Variants in VWA5B1 observed in about 807,000 individuals in gnomAD.
The protein encoded by VWA5B1 is von Willebrand factor A domain containing 5B1.
A neutral mutation model predicts 118.2 loss-of-function variants in VWA5B1; 115 were observed. The observed-to-expected ratio is 0.97, with a 90% CI of 0.84 to 1.14. VWA5B1 has a LOEUF of 1.14. Ranked by LOEUF, VWA5B1 falls within the 50% of genes most tolerant of loss-of-function variation. VWA5B1 has a pLI of 0.00. For missense variants in VWA5B1, 1,596 were observed against 1,603.8 expected (o/e 1.00, Z 0.08); for synonymous variants, 682 against 658.4 (o/e 1.04, Z -0.55).
intron 8 of VWA5B1, among the ~76,000 whole-genome samples, chr1:20,324,169 C>T (rs1048691684): frequency 3.3e-5 from 5 of 152,198 alleles, no homozygotes; most frequent in African/African-American, 9.7e-5. Context: ...CCAAGCCTTG[C>T]CCTTGGCCAT....
At chr1:20,307,970 C>T (rs558347813) in intron 1 of VWA5B1, among the ~76,000 whole-genome samples, 161 of 151,874 alleles carry the variant, frequency 1.1e-3, no homozygotes, top group Non-Finnish European at 1.7e-3. Flanking sequence ...CCACTGATCC[C>T]GTCACCCAGG....
At chr1:20,320,661 C>T (rs2089182037) in intron 7 of VWA5B1, among the ~76,000 whole-genome samples, 1 of 152,340 alleles carries the variant, frequency 6.6e-6, no homozygotes, top group Non-Finnish European at 1.5e-5. Context: ...GGTGGTTATG[C>T]AAATAGCCCG....
chr1:20,322,868 G>A (rs1365892621), intron 7 of VWA5B1, among the ~76,000 whole-genome samples: 1 of 152,168 alleles, frequency 6.6e-6, no homozygotes, highest in East Asian at 1.9e-4. Context: ...AGAATTTGAA[G>A]AGTGAGTAGG....
chr1:20,301,125 A>G (rs1387728287), intron 1 of VWA5B1, among the ~76,000 whole-genome samples: 1 of 152,254 alleles, frequency 6.6e-6, no homozygotes, highest in African/African-American at 2.4e-5. Flanking sequence ...TTTAGCCAAC[A>G]TCTAGGCAGG....
intron 7 of VWA5B1, among the ~76,000 whole-genome samples, chr1:20,320,228 C>G (rs1405435470): frequency 6.6e-6 from 1 of 152,194 alleles, no homozygotes; most frequent in African/African-American, 2.4e-5. Flanking sequence ...CACCAGTAAG[C>G]TGGAGGAAGG....
chr1:20,317,496 C>CT (rs1334539840), intron 4 of VWA5B1, 34 bp from the exon 5 acceptor site: 4 of 1,547,784 alleles, frequency 2.6e-6, no homozygotes, highest in Non-Finnish European at 3.5e-6. Flanking sequence ...TCCACCCTGG[C>CT]TGGTCTCCTT....
chr1:20,341,224 G>A (rs560166424), intron 14 of VWA5B1, among the ~76,000 whole-genome samples: 142 of 152,240 alleles, frequency 9.3e-4, no homozygotes, highest in African/African-American at 3.2e-3. Flanking sequence ...GATTTGGATC[G>A]TTTCCAGATT....
intron 1 of VWA5B1, among the ~76,000 whole-genome samples, chr1:20,297,833 G>A (rs1328530419): frequency 6.6e-6 from 1 of 152,130 alleles, no homozygotes; most frequent in East Asian, 1.9e-4. Context: ...TTTCCCCTCT[G>A]AGCCTCAGTC....
intron 8 of VWA5B1, among the ~76,000 whole-genome samples, chr1:20,324,634 C>T (rs2089322814): frequency 6.6e-6 from 1 of 152,154 alleles, no homozygotes; most frequent in Non-Finnish European, 1.5e-5. Context: ...GAGTGGGGCT[C>T]TGCCGTCACC....
At position 20,312,818 on chromosome 1, in the gene VWA5B1, T is replaced by C. The variant is rs1185962001; in HGVS notation, c.140-18T>C. On this transcript the variant is annotated intron_variant, in intron 2 of 21. Transcript: ENST00000289815. Reference sequence around the variant, plus strand: ...GTAGGCCTGGGGCACCCCGTGATGCTGGGCCCTGCTCCGACAGGCCTCTTC... The same window carrying C: ...GTAGGCCTGGGGCACCCCGTGATGCCGGGCCCTGCTCCGACAGGCCTCTTC... 6 of 1,540,956 alleles carry C rather than the reference T, an allele frequency of 3.9e-6. No homozygotes were observed. Among genetic ancestry groups the C allele is most frequent in the African/African-American group, 1.4e-5 (1 of 72,880 alleles).
Position 20,350,155 on chromosome 1 carries a change from G to T in VWA5B1, c.2879-1G>T, listed in dbSNP as rs1302438722. 8 of 1,551,142 alleles carry T rather than the reference G, an allele frequency of 5.2e-6. No homozygotes were observed. In the East Asian group the frequency reaches 2.0e-4, roughly 38 times the overall value. ...CAGCCTCACTGGCTCCTCTGTCCTA[G>T]ACATGGAGGCAAGTCCCACTGCTCT... On this transcript the variant is annotated splice_acceptor_variant, in intron 18 of 21. Coordinates refer to ENST00000289815, the MANE Select transcript of VWA5B1 (RefSeq NM_001039500.3). LOFTEE classifies it high-confidence loss of function.
intron 1 of VWA5B1, among the ~76,000 whole-genome samples, chr1:20,308,645 G>A (rs976738888): frequency 6.6e-6 from 1 of 152,180 alleles, no homozygotes; most frequent in Non-Finnish European, 1.5e-5. Context: ...GCTACTTGGG[G>A]AGACAGCAGC....
At chr1:20,337,538 G>A (rs1008598429) in intron 13 of VWA5B1, 108 bp from the exon 14 acceptor site, 3 of 1,272,910 alleles carry the variant, frequency 2.4e-6, no homozygotes, top group African/African-American at 3.0e-5. Flanking sequence ...TATTTCAGTA[G>A]GCAAGAGGTG....
chr1:20,358,730 GA>G lies in VWA5B1; in HGVS notation c.*4468del, dbSNP rs1236644845. Reference sequence around the variant, plus strand: ...GTGCTCATTGCCTTGGCATCTGGAAGATTTTGTTCTTACCAATCTAGCAGAG... The same window carrying G: ...GTGCTCATTGCCTTGGCATCTGGAAGTTTTGTTCTTACCAATCTAGCAGAG... On this transcript the variant is annotated 3_prime_UTR_variant, in exon 22 of 22. Coordinates refer to ENST00000289815, the MANE Select transcript of VWA5B1 (RefSeq NM_001039500.3). Among the ~76,000 whole-genome samples, 7 of 152,236 alleles carry G rather than the reference GA, an allele frequency of 4.6e-5. No homozygotes were observed. The highest frequency in any genetic ancestry group is 2.6e-4 in the Admixed American group (4 of 15,288).
chr1:20,299,456 T>G (rs1199209688), intron 1 of VWA5B1, among the ~76,000 whole-genome samples: 1 of 152,226 alleles, frequency 6.6e-6, no homozygotes, highest in Admixed American at 6.5e-5. Context: ...CAGCCTGAAG[T>G]GCAGTAGTGC....
chr1:20,333,011 G>C, intron 12 of VWA5B1, 60 bp downstream of exon 12: 1 of 1,520,566 alleles, frequency 6.6e-7, no homozygotes, highest in South Asian at 1.3e-5. Context: ...CTACAAATCA[G>C]CCTTAGCTGG....
intron 7 of VWA5B1, among the ~76,000 whole-genome samples, chr1:20,321,722 A>G (rs1048167468): frequency 1.3e-5 from 2 of 151,682 alleles, no homozygotes; most frequent in African/African-American, 4.8e-5. Flanking sequence ...CTGGCAGAAG[A>G]CCAAGAGCCC....
At chr1:20,301,244 G>A (rs1302261929) in intron 1 of VWA5B1, among the ~76,000 whole-genome samples, 1 of 152,236 alleles carries the variant, frequency 6.6e-6, no homozygotes, top group Non-Finnish European at 1.5e-5. Flanking sequence ...GGGTGGGAGA[G>A]TGAAGCCGGA....
Position 20,312,837 on chromosome 1 carries a change from C to A in VWA5B1, c.141C>A (p.Gly47=). ...YGNLEAQPFQ[G]LFVYPLDECT... ...TGATGCTGGGCCCTGCTCCGACAGGCCTCTTCGTGTACCCCCTGGATGAGT... is the reference window on the plus strand; with the variant it reads ...TGATGCTGGGCCCTGCTCCGACAGGACTCTTCGTGTACCCCCTGGATGAGT... The change falls in exon 3 of 22, where the codon GGC becomes GGA. Residue 47 remains glycine (G), a splice_region_variant and synonymous_variant. Coordinates refer to ENST00000289815, the MANE Select transcript of VWA5B1 (RefSeq NM_001039500.3). 6.5e-7 allele frequency: 1 copy of A among 1,548,504 alleles called. No individual in the cohort carries two copies. The highest frequency in any genetic ancestry group is 8.7e-7 in the Non-Finnish European group (1 of 1,144,914).
Sources: gnomAD v4.1 joint callset for allele counts (sites outside exome capture counted in the v4.1 genomes callset) on GRCh38, gnomAD v4.1.1 for gene constraint, MANE v1.5 for transcripts, NCBI Gene and HGNC (gene_info 2026-07-23, HGNC 2026-07-21) for gene names.